The following ABL2 variants were observed in gnomAD, a reference collection of about 807,000 sequenced individuals.
The protein encoded by ABL2 is ABL proto-oncogene 2, non-receptor tyrosine kinase.
ABL2 carries 49 observed loss-of-function variants against 107.7 expected under a neutral mutation model. That is an observed-to-expected ratio of 0.45 (90% CI 0.36 to 0.58). The LOEUF (loss-of-function observed/expected upper bound fraction) is 0.58. Ranked by LOEUF, ABL2 falls within the 20% of genes least tolerant of loss-of-function variation. The pLI, the probability that ABL2 is intolerant of heterozygous loss-of-function variation, is 0.00. For synonymous variants in ABL2, 549 were observed against 548.6 expected (o/e 1.00, Z -0.01); for missense variants, 1,245 against 1,457.0 (o/e 0.85, Z 2.37).
At chr1:179,222,420 T>C (rs1468426696) in intron 1 of ABL2, among the ~76,000 whole-genome samples, 1 of 151,938 alleles carries the variant, frequency 6.6e-6, no homozygotes, top group African/African-American at 2.4e-5. Context: ...GACAGGGTTT[T>C]GCTCCTGTTG....
At chr1:179,175,597 G>A (rs1659994103) in intron 1 of ABL2, among the ~76,000 whole-genome samples, 1 of 152,172 alleles carries the variant, frequency 6.6e-6, no homozygotes, top group Non-Finnish European at 1.5e-5. Flanking sequence ...AGGATAGTGG[G>A]GGAACCACTG....
chr1:179,131,859 T>C (rs1656363176), intron 2 of ABL2, among the ~76,000 whole-genome samples: 1 of 152,200 alleles, frequency 6.6e-6, no homozygotes, highest in Non-Finnish European at 1.5e-5. Flanking sequence ...GTAGTAGTGG[T>C]TGTAGTTTTA....
intron 1 of ABL2, among the ~76,000 whole-genome samples, chr1:179,209,365 C>G (rs771121361): frequency 6.6e-5 from 10 of 152,184 alleles, no homozygotes; most frequent in Non-Finnish European, 1.3e-4. Flanking sequence ...GCTGTCCACT[C>G]TCCATCAAAC....
intron 5 of ABL2, 90 bp from the exon 6 acceptor site, chr1:179,120,364 T>G: frequency 4.4e-6 from 3 of 677,284 alleles, no homozygotes; most frequent in Non-Finnish European, 7.4e-6. Flanking sequence ...TCATAAAGCT[T>G]CAGCTTTAAA....
chr1:179,099,556 T>A lies in ABL2; in HGVS notation c.*8162A>T, dbSNP rs916166856. 1 of 228,812 alleles carries A rather than the reference T, an allele frequency of 4.4e-6. No homozygotes were observed. Among genetic ancestry groups the A allele is most frequent in the Non-Finnish European group, 8.7e-6 (1 of 115,334 alleles). 14.2% of individuals were successfully genotyped at this position (228,812 alleles called of 1,614,324 possible). ...AACAAATACCTGACAACACTGGTAA[T>A]GTGACACACAATTGATGTGTTTTTA... On this transcript the variant is annotated 3_prime_UTR_variant, in exon 12 of 12. Coordinates refer to ENST00000502732, the MANE Select transcript of ABL2 (RefSeq NM_007314.4).
intron 1 of ABL2, among the ~76,000 whole-genome samples, chr1:179,136,379 G>A (rs1656980314): frequency 6.6e-6 from 1 of 152,102 alleles, no homozygotes; most frequent in Admixed American, 6.5e-5. Context: ...AAATTCTTCT[G>A]CCTTGGGATC....
intron 1 of ABL2, among the ~76,000 whole-genome samples, chr1:179,228,355 C>A (rs1377627093): frequency 8.6e-5 from 13 of 151,730 alleles, no homozygotes; most frequent in African/African-American, 1.2e-4. Flanking sequence ...TCAAAAAAAA[C>A]AAAAACAAAA....
intron 1 of ABL2, among the ~76,000 whole-genome samples, chr1:179,228,037 G>A (rs550885398): frequency 8.3e-5 from 10 of 121,068 alleles, no homozygotes; most frequent in Non-Finnish European, 1.5e-4. Flanking sequence ...GCGACAGAAT[G>A]AGACTCCGTC....
rs559567802 is a variant in ABL2, at chr1:179,201,462, AT to A, written c.157+27778del. On this transcript the variant is annotated intron_variant, in intron 1 of 11. Transcript: ENST00000502732. Reference sequence around the variant, plus strand: ...CTTAAGTAGAATATCTATGAGAAAAATCCCTTTAAGATTTAAAGATAGTAAT... The same window carrying A: ...CTTAAGTAGAATATCTATGAGAAAAACCCTTTAAGATTTAAAGATAGTAAT... The A allele has an allele frequency of 9.6e-4, 201 of 208,494 alleles. 1 individual carries two copies. The highest frequency in any genetic ancestry group is 4.5e-3 in the African/African-American group (194 of 42,776). 12.9% of individuals were successfully genotyped at this position (208,494 alleles called of 1,614,324 possible).
In ABL2 at chr1:179,101,619, T is replaced by A. The variant is rs1653099269; in HGVS notation, c.*6099A>T. On this transcript the variant is annotated 3_prime_UTR_variant, in exon 12 of 12. Coordinates refer to ENST00000502732, the MANE Select transcript of ABL2 (RefSeq NM_007314.4). ...CTCCTGACCTCAAGTGATCCGCCCA[T>A]CTTGGTCTCCCAAAGTGCTGGGATT... The A allele has an allele frequency of 5.7e-6, 1 of 175,480 alleles. No individual in the cohort carries two copies. The highest frequency in any genetic ancestry group is 1.2e-5 in the Non-Finnish European group (1 of 81,498). The allele number at this position is 175,480 out of a possible 1,614,324, so 10.9% of individuals were successfully genotyped here.
chr1:179,195,797 T>G (rs1351017338), intron 1 of ABL2, among the ~76,000 whole-genome samples: 1 of 152,218 alleles, frequency 6.6e-6, no homozygotes, highest in East Asian at 1.9e-4. Flanking sequence ...GGGCAAATAC[T>G]ATATGATTCC....
At position 179,109,263 on chromosome 1, in the gene ABL2, G is replaced by A. The variant is rs2102580632; in HGVS notation, c.2004C>T (p.Arg668=). The change falls in exon 12 of 12, where the codon CGC becomes CGT. Residue 668 remains arginine (R), a synonymous_variant. Transcript: ENST00000502732. ...KKRNAPTPPK[R]SSSFREMENQ... ...TCTCCATTTCTCGGAAGGAGCTGCTGCGTTTGGGGGGTGTAGGAGCATTTC... is the reference window on the plus strand; with the variant it reads ...TCTCCATTTCTCGGAAGGAGCTGCTACGTTTGGGGGGTGTAGGAGCATTTC... The A allele has an allele frequency of 6.2e-7, 1 of 1,614,186 alleles. No homozygotes were observed. Among genetic ancestry groups the A allele is most frequent in the Non-Finnish European group, 8.5e-7 (1 of 1,180,026 alleles).
At chr1:179,224,677 A>G (rs1433461205) in intron 1 of ABL2, among the ~76,000 whole-genome samples, 2 of 151,998 alleles carry the variant, frequency 1.3e-5, no homozygotes, top group Non-Finnish European at 2.9e-5. Flanking sequence ...TAAGTATTCA[A>G]CCCTAGATTA....
At chr1:179,120,700 T>C (rs1655111118) in intron 5 of ABL2, among the ~76,000 whole-genome samples, 1 of 152,164 alleles carries the variant, frequency 6.6e-6, no homozygotes, top group African/African-American at 2.4e-5. Context: ...ATTACAGGTG[T>C]GAGCCACCAC....
At chr1:179,211,029 G>C (rs1662242463) in intron 1 of ABL2, among the ~76,000 whole-genome samples, 1 of 151,962 alleles carries the variant, frequency 6.6e-6, no homozygotes, top group African/African-American at 2.4e-5. Flanking sequence ...ACAGCATATA[G>C]CCAAGATGAC....
chr1:179,222,401 T>C (rs1365042951), intron 1 of ABL2, among the ~76,000 whole-genome samples: 1 of 151,970 alleles, frequency 6.6e-6, no homozygotes. Flanking sequence ...GGCTAATTTT[T>C]TTTTTTGAGA....
chr1:179,140,928 T>A (rs1173321670), intron 1 of ABL2, among the ~76,000 whole-genome samples: 1 of 151,344 alleles, frequency 6.6e-6, no homozygotes, highest in East Asian at 1.9e-4. Context: ...TCACCTGAGG[T>A]CAGGAGTTCG....
chr1:179,191,413 C>CT (rs35362624), intron 1 of ABL2, among the ~76,000 whole-genome samples: 24,588 of 77,292 alleles, frequency 0.32, 3,323 homozygotes, highest in South Asian at 0.37. Flanking sequence ...TATGAAATCC[C>CT]TTTTTTTTTT....
At chr1:179,143,216 GA>G (rs1657749786) in intron 1 of ABL2, 1 of 866,562 alleles carries the variant, frequency 1.2e-6, no homozygotes, top group African/African-American at 1.7e-5. Context: ...GGTGGAGAGT[GA>G]CCTAAAGGAA....
Sources: gnomAD v4.1 joint callset for allele counts (sites outside exome capture counted in the v4.1 genomes callset) on GRCh38, gnomAD v4.1.1 for gene constraint, MANE v1.5 for transcripts, NCBI Gene and HGNC (gene_info 2026-07-23, HGNC 2026-07-21) for gene names.